Variants in CPNE8 observed in about 807,000 individuals in gnomAD.
CPNE8 encodes copine-8.
In CPNE8, 45 loss-of-function variants were observed where a neutral mutation model predicts 81.5. The observed-to-expected ratio is 0.55, with a 90% CI of 0.44 to 0.71. The LOEUF is 0.71. Ranked by LOEUF, CPNE8 falls within the 30% of genes least tolerant of loss-of-function variation. The probability of loss-of-function intolerance (pLI) is 0.00; values close to 1 mark genes in which losing one functional copy is unlikely to be tolerated. For synonymous variants in CPNE8, 252 were observed against 226.3 expected (o/e 1.11, Z -1.02); for missense variants, 594 against 672.1 (o/e 0.88, Z 1.28).
chr12:38,785,872 G>A (rs1206136872), intron 6 of CPNE8, among the ~76,000 whole-genome samples: 1 of 152,014 alleles, frequency 6.6e-6, no homozygotes, highest in Non-Finnish European at 1.5e-5. Context: ...GATAATATCT[G>A]CAAGCCTCTT....
chr12:38,888,153 C>T (rs936864477), intron 1 of CPNE8, among the ~76,000 whole-genome samples: 1 of 152,178 alleles, frequency 6.6e-6, no homozygotes, highest in Admixed American at 6.5e-5. Context: ...TTCCAAGCAC[C>T]ACTCCCAAAA....
At position 38,670,701 on chromosome 12, in the gene CPNE8, G is replaced by C. The variant is rs900557923; in HGVS notation, c.1506+28C>G. On this transcript the variant is annotated intron_variant, in intron 19 of 19. Transcript: ENST00000331366. Reference sequence around the variant, plus strand: ...ATCCCAATGATATTTTCTAGCAATAGTAAAGTAGGAAAAGGTTTATTTCTT... The same window carrying C: ...ATCCCAATGATATTTTCTAGCAATACTAAAGTAGGAAAAGGTTTATTTCTT... The C allele has an allele frequency of 4.0e-6, 6 of 1,495,540 alleles. No individual in the cohort carries two copies. The African/African-American group carries it at 8.4e-5, about 21-fold the overall frequency. The allele number at this position is 1,495,540 out of a possible 1,614,324, so 92.6% of individuals were successfully genotyped here.
At chr12:38,903,176 A>G (rs965910422) in intron 1 of CPNE8, among the ~76,000 whole-genome samples, 5 of 152,226 alleles carry the variant, frequency 3.3e-5, no homozygotes, top group Non-Finnish European at 5.9e-5. Context: ...TAACTTGGGT[A>G]TTTAATTATG....
At chr12:38,666,106 T>C (rs547622878) in intron 19 of CPNE8, among the ~76,000 whole-genome samples, 2 of 152,300 alleles carry the variant, frequency 1.3e-5, no homozygotes, top group South Asian at 4.1e-4. Flanking sequence ...AAGAGGAAAC[T>C]GAAACTTAGA....
chr12:38,782,293 A>G (rs1942071539), intron 6 of CPNE8, among the ~76,000 whole-genome samples: 1 of 152,200 alleles, frequency 6.6e-6, no homozygotes, highest in Non-Finnish European at 1.5e-5. Flanking sequence ...AGAGACTAGA[A>G]TTAAAACAAC....
At chr12:38,822,790 C>T (rs1039647515) in intron 6 of CPNE8, among the ~76,000 whole-genome samples, 1 of 152,076 alleles carries the variant, frequency 6.6e-6, no homozygotes, top group African/African-American at 2.4e-5. Context: ...GATGTAAAAA[C>T]GGCCTAATAT....
intron 6 of CPNE8, among the ~76,000 whole-genome samples, chr12:38,808,567 C>T (rs2136980614): frequency 7.8e-6 from 1 of 127,482 alleles, no homozygotes; most frequent in South Asian, 2.4e-4. Context: ...AACACATGGA[C>T]ACAAGAAGGG....
chr12:38,836,660 A>G (rs1943385712), intron 5 of CPNE8, among the ~76,000 whole-genome samples: 1 of 152,194 alleles, frequency 6.6e-6, no homozygotes, highest in Non-Finnish European at 1.5e-5. Context: ...AGTTTTTCCT[A>G]CAAGGTTCCA....
chr12:38,852,987 G>A (rs1943670342), intron 3 of CPNE8, among the ~76,000 whole-genome samples: 1 of 151,954 alleles, frequency 6.6e-6, no homozygotes, highest in Admixed American at 6.6e-5. Context: ...TTTAAAATCA[G>A]AAACAAAAAA....
chr12:38,652,520 A>G lies in CPNE8; in HGVS notation c.*1362T>C, dbSNP rs1056974929. ...AGGTCAACTTGGGACAAAGAAAACAATGTACAGTAGAAATAAACCAAGTAT... is the reference window on the plus strand; with the variant it reads ...AGGTCAACTTGGGACAAAGAAAACAGTGTACAGTAGAAATAAACCAAGTAT... On this transcript the variant is annotated 3_prime_UTR_variant, in exon 20 of 20. Transcript: ENST00000331366. The G allele has an allele frequency of 2.0e-5, 3 of 152,628 alleles. No homozygotes were observed. Among genetic ancestry groups the G allele is most frequent in the African/African-American group, 7.2e-5 (3 of 41,462 alleles). The allele number at this position is 152,628 out of a possible 1,614,324, so 9.5% of individuals were successfully genotyped here.
intron 15 of CPNE8, among the ~76,000 whole-genome samples, chr12:38,687,524 G>C (rs1402347358): frequency 6.6e-6 from 1 of 151,938 alleles, no homozygotes; most frequent in Non-Finnish European, 1.5e-5. Flanking sequence ...TGGCACTACA[G>C]GCATGCACCA....
chr12:38,889,276 G>C (rs767180528), intron 1 of CPNE8, among the ~76,000 whole-genome samples: 6 of 152,164 alleles, frequency 3.9e-5, no homozygotes, highest in African/African-American at 9.6e-5. Context: ...TTACAAATTA[G>C]AGAAAGGGAG....
intron 3 of CPNE8, among the ~76,000 whole-genome samples, chr12:38,871,228 T>C (rs1943987337): frequency 6.6e-6 from 1 of 152,226 alleles, no homozygotes. Context: ...TTTTTTGTTG[T>C]TGTCCTTCTT....
intron 6 of CPNE8, among the ~76,000 whole-genome samples, chr12:38,792,300 T>A (rs1444818532): frequency 3.3e-5 from 5 of 150,606 alleles, no homozygotes; most frequent in Middle Eastern, 3.4e-3. Context: ...ACTAAGAGTT[T>A]TTTTTTTTAA....
chr12:38,666,291 A>C (rs1007972510), intron 19 of CPNE8, among the ~76,000 whole-genome samples: 1 of 152,160 alleles, frequency 6.6e-6, no homozygotes, highest in African/African-American at 2.4e-5. Context: ...TAGGAGTAAC[A>C]CAGGTTTTAG....
At chr12:38,704,119 T>C (rs1458683285) in intron 13 of CPNE8, among the ~76,000 whole-genome samples, 1 of 152,050 alleles carries the variant, frequency 6.6e-6, no homozygotes, top group Non-Finnish European at 1.5e-5. Context: ...GGAAGAAGGG[T>C]GGCTTGAGGG....
intron 1 of CPNE8, among the ~76,000 whole-genome samples, chr12:38,903,737 C>A (rs574498294): frequency 1.3e-5 from 2 of 152,294 alleles, no homozygotes; most frequent in South Asian, 2.1e-4. Flanking sequence ...CCAGTAACTT[C>A]CCTCTAACAT....
intron 18 of CPNE8, among the ~76,000 whole-genome samples, chr12:38,672,094 C>T (rs916686233): frequency 6.6e-5 from 10 of 152,062 alleles, no homozygotes; most frequent in Admixed American, 4.6e-4. Context: ...CATAAATATG[C>T]ACCAATGGTA....
At chr12:38,706,519 T>C (rs1940111676) in intron 13 of CPNE8, among the ~76,000 whole-genome samples, 1 of 152,174 alleles carries the variant, frequency 6.6e-6, no homozygotes, top group African/African-American at 2.4e-5. Flanking sequence ...AATTTTTCCT[T>C]CTATCAAATA....
Sources: gnomAD v4.1 joint callset for allele counts (sites outside exome capture counted in the v4.1 genomes callset) on GRCh38, gnomAD v4.1.1 for gene constraint, MANE v1.5 for transcripts, NCBI Gene and HGNC (gene_info 2026-07-23, HGNC 2026-07-21) for gene names.